Variants in ANKRD13C observed in about 807,000 individuals in gnomAD.
ANKRD13C encodes the protein ankyrin repeat domain-containing protein 13C.
ANKRD13C carries 16 observed loss-of-function variants against 65.5 expected under a neutral mutation model. The observed-to-expected ratio is 0.24, with a 90% CI of 0.17 to 0.37. The LOEUF is 0.37. Among genes scored for constraint, ANKRD13C ranks in the 10% least tolerant of loss-of-function variants. The probability of loss-of-function intolerance (pLI) is 1.00; values close to 1 mark genes in which losing one functional copy is unlikely to be tolerated. For synonymous variants in ANKRD13C, 235 were observed against 238.7 expected (o/e 0.98, Z 0.14); for missense variants, 503 against 655.9 (o/e 0.77, Z 2.55).
intron 2 of ANKRD13C, among the ~76,000 whole-genome samples, chr1:70,329,468 C>T (rs1681689542): frequency 6.6e-6 from 1 of 151,384 alleles, no homozygotes; most frequent in African/African-American, 2.4e-5. Flanking sequence ...TTGTGATGAG[C>T]CAAGATTGCA....
At chr1:70,286,108 T>C (rs1374259989) in intron 9 of ANKRD13C, among the ~76,000 whole-genome samples, 1 of 152,220 alleles carries the variant, frequency 6.6e-6, no homozygotes. Flanking sequence ...TACCAGTATC[T>C]TTCTATAATT....
rs112475035 is a variant in ANKRD13C at position 70,354,229 on chromosome 1, C to T, written c.180G>A (p.Arg60=). 20,767 of 1,613,592 alleles carry T rather than the reference C, an allele frequency of 0.013. 184 individuals are homozygous for T. The highest frequency in any genetic ancestry group is 0.045 in the Middle Eastern group (272 of 6,062). The change falls in exon 1 of 13, where the codon CGG becomes CGA. Residue 60 remains arginine (R), a synonymous_variant. Transcript: ENST00000370944. The stretch of plus-strand genomic sequence containing the variant: ...AGGCCGGAGCTGCCTTCAGCTGTAG[C>T]CGGTGGTGATGGTTACTGAAGATCT... ...CHKIFSNHHH[R]LQLKAAPASS...
At chr1:70,321,492 C>T (rs546399396) in intron 3 of ANKRD13C, among the ~76,000 whole-genome samples, 14 of 152,176 alleles carry the variant, frequency 9.2e-5, no homozygotes, top group East Asian at 5.8e-4. Flanking sequence ...AGACAAAGGC[C>T]GACAGAATTC....
chr1:70,272,654 A>G (rs1448428905), intron 11 of ANKRD13C, among the ~76,000 whole-genome samples: 1 of 151,680 alleles, frequency 6.6e-6, no homozygotes, highest in Admixed American at 6.6e-5. Context: ...TCTTAATATT[A>G]GCTGCAGTTT....
At chr1:70,280,322 A>C (rs1679331659) in intron 9 of ANKRD13C, among the ~76,000 whole-genome samples, 1 of 152,190 alleles carries the variant, frequency 6.6e-6, no homozygotes, top group Non-Finnish European at 1.5e-5. Flanking sequence ...TGAATTGAGG[A>C]GTCTAAAAAA....
chr1:70,271,664 G>GC lies in ANKRD13C; in HGVS notation c.1395-709dup, dbSNP rs750752429. ...GCCAGGCTGATTTTATCCCTTTTCTGCCCGGATGCCTTTGGATTTATCAAC... is the reference window on the plus strand; with the variant it reads ...GCCAGGCTGATTTTATCCCTTTTCTGCCCCGGATGCCTTTGGATTTATCAAC... On this transcript the variant is annotated intron_variant, in intron 11 of 12. Coordinates refer to ENST00000370944, the MANE Select transcript of ANKRD13C (RefSeq NM_030816.5). Among the ~76,000 whole-genome samples the GC allele has an allele frequency of 7.2e-5, 11 of 152,144 alleles. No homozygotes were observed. The East Asian group carries it at 2.1e-3, about 29-fold the overall frequency.
intron 1 of ANKRD13C, among the ~76,000 whole-genome samples, chr1:70,341,365 T>TG (rs1682301466): frequency 1.5e-5 from 1 of 68,954 alleles, no homozygotes. Flanking sequence ...TTTTGTGTGT[T>TG]TTTTTTTTTT....
At chr1:70,317,638 C>T (rs1159794331) in intron 3 of ANKRD13C, among the ~76,000 whole-genome samples, 1 of 152,052 alleles carries the variant, frequency 6.6e-6, no homozygotes, top group African/African-American at 2.4e-5. Flanking sequence ...TTTAAAGATT[C>T]AAGTATGAAT....
chr1:70,294,423 C>T (rs1453869589), intron 8 of ANKRD13C, among the ~76,000 whole-genome samples: 1 of 152,080 alleles, frequency 6.6e-6, no homozygotes, highest in Non-Finnish European at 1.5e-5. Flanking sequence ...CTAGATGTTG[C>T]TGTGAAGGTA....
At chr1:70,298,675 G>A (rs1013254346) in intron 7 of ANKRD13C, among the ~76,000 whole-genome samples, 65 of 152,198 alleles carry the variant, frequency 4.3e-4, no homozygotes, top group African/African-American at 1.5e-3. Flanking sequence ...TGGCTATCCT[G>A]TTGTCATTTC....
intron 11 of ANKRD13C, among the ~76,000 whole-genome samples, chr1:70,273,192 T>C (rs923179343): frequency 4.6e-5 from 7 of 152,074 alleles, no homozygotes; most frequent in African/African-American, 1.7e-4. Context: ...AGCCTAGATA[T>C]GGGTAAAGCT....
At chr1:70,326,577 CAAT>C (rs1681555028) in intron 2 of ANKRD13C, among the ~76,000 whole-genome samples, 1 of 151,816 alleles carries the variant, frequency 6.6e-6, no homozygotes, top group Non-Finnish European at 1.5e-5. Flanking sequence ...AACTTTATCA[CAAT>C]AATGTAAAAT....
At chr1:70,281,935 G>A (rs1202745118) in intron 9 of ANKRD13C, among the ~76,000 whole-genome samples, 1 of 151,314 alleles carries the variant, frequency 6.6e-6, no homozygotes, top group Non-Finnish European at 1.5e-5. Flanking sequence ...AGGAGGCAGA[G>A]GTTGCAGTGA....
rs915692421 is a variant in ANKRD13C, at chr1:70,261,307, T to C, written c.*1410A>G. 1 of 152,098 alleles carries C rather than the reference T, an allele frequency of 6.6e-6. No homozygotes were observed. The highest frequency in any genetic ancestry group is 6.5e-5 in the Admixed American group (1 of 15,270). 9.4% of individuals were successfully genotyped at this position (152,098 alleles called of 1,614,324 possible). A position where few individuals can be genotyped will look rare whatever the true frequency, so the allele number is the denominator to read the frequency against. ...TTGGATTTTTAAATCATATTTTCAA[T>C]AAGGGTCTCTAAACTCCTTTCAAAT... On this transcript the variant is annotated 3_prime_UTR_variant, in exon 13 of 13. Coordinates refer to ENST00000370944, the MANE Select transcript of ANKRD13C (RefSeq NM_030816.5).
intron 9 of ANKRD13C, among the ~76,000 whole-genome samples, chr1:70,287,387 CA>C (rs145676593): frequency 8.8e-5 from 13 of 147,630 alleles, no homozygotes; most frequent in Admixed American, 1.3e-4. Context: ...GCATCCAAGG[CA>C]AAAAAAAAAT....
intron 5 of ANKRD13C, among the ~76,000 whole-genome samples, chr1:70,309,649 C>T (rs1680753974): frequency 1.3e-5 from 2 of 148,518 alleles, no homozygotes; most frequent in African/African-American, 4.9e-5. Flanking sequence ...TGGCGTGAAC[C>T]CAGGAGGTGG....
intron 1 of ANKRD13C, among the ~76,000 whole-genome samples, chr1:70,350,752 T>C (rs939726844): frequency 1.3e-5 from 2 of 152,276 alleles, no homozygotes; most frequent in Non-Finnish European, 1.5e-5. Context: ...AGGTTCATGA[T>C]ATGCTTTGGA....
chr1:70,314,891 T>C (rs1254549638), intron 4 of ANKRD13C, among the ~76,000 whole-genome samples: 1 of 152,154 alleles, frequency 6.6e-6, no homozygotes, highest in Non-Finnish European at 1.5e-5. Flanking sequence ...TGTGCCAGCA[T>C]ACCCAGCTCT....
intron 9 of ANKRD13C, among the ~76,000 whole-genome samples, chr1:70,290,645 G>T (rs989840192): frequency 1.3e-5 from 2 of 151,774 alleles, no homozygotes; most frequent in African/African-American, 4.8e-5. Flanking sequence ...GGGCTCAAGT[G>T]ATCATCCTGC....
Sources: allele counts gnomAD v4.1 joint callset (sites outside exome capture counted in the v4.1 genomes callset), GRCh38; gene constraint gnomAD v4.1.1; transcripts MANE v1.5; gene names NCBI Gene and HGNC (gene_info 2026-07-23, HGNC 2026-07-21).